MCF2L2: variants seen among roughly 807,000 people sequenced by gnomAD.
The protein encoded by MCF2L2 is MCF.2 cell line derived transforming sequence-like 2, also known as probable guanine nucleotide exchange factor MCF2L2.
Under a neutral mutation model 150.2 loss-of-function variants are expected in MCF2L2, and 102 were observed. The observed-to-expected ratio is 0.68, with a 90% CI of 0.58 to 0.80. The LOEUF (loss-of-function observed/expected upper bound fraction) is 0.80. Among genes scored for constraint, MCF2L2 ranks in the 30% least tolerant of loss-of-function variants. The pLI is 0.00. For missense variants in MCF2L2, 1,256 were observed against 1,372.8 expected, an observed-to-expected ratio of 0.91 and a Z score of 1.34; for synonymous variants, 465 against 491.3, an observed-to-expected ratio of 0.95 and a Z score of 0.71.
intron 15 of MCF2L2, among the ~76,000 whole-genome samples, chr3:183,255,286 A>ACTT (rs1277880147): frequency 6.6e-6 from 1 of 152,218 alleles, no homozygotes; most frequent in Non-Finnish European, 1.5e-5. Flanking sequence ...GTGATTAGTG[A>ACTT]TCAGCAGCAG....
At chr3:183,377,395 T>C (rs1172239260) in intron 3 of MCF2L2, 1 of 152,188 alleles carries the variant, frequency 6.6e-6, no homozygotes, top group Non-Finnish European at 1.5e-5. Context: ...TGGCGCATAG[T>C]ACAGAATAGC....
intron 21 of MCF2L2, among the ~76,000 whole-genome samples, chr3:183,219,171 CAT>C (rs1723052326): frequency 6.6e-6 from 1 of 152,108 alleles, no homozygotes; most frequent in African/African-American, 2.4e-5. Flanking sequence ...CAAGGCATAA[CAT>C]ATAGAAATTA....
chr3:183,292,591 GCACA>G, intron 13 of MCF2L2, among the ~76,000 whole-genome samples: 1 of 141,620 alleles, frequency 7.1e-6, no homozygotes, highest in South Asian at 2.2e-4. Flanking sequence ...ACACACACAT[GCACA>G]CACACACGTA....
intron 1 of MCF2L2, among the ~76,000 whole-genome samples, chr3:183,418,988 T>C (rs1376177731): frequency 6.6e-6 from 1 of 152,244 alleles, no homozygotes; most frequent in African/African-American, 2.4e-5. Flanking sequence ...AGATTCTCCA[T>C]GAGGGCTCTG....
intron 6 of MCF2L2, among the ~76,000 whole-genome samples, chr3:183,322,398 T>C (rs1052522071): frequency 1.3e-5 from 2 of 152,188 alleles, no homozygotes; most frequent in Non-Finnish European, 2.9e-5. Context: ...GTCTTGAGCA[T>C]TGTAAGGTGT....
intron 15 of MCF2L2, chr3:183,273,472 G>C (rs992379960): frequency 6.5e-6 from 1 of 153,064 alleles, no homozygotes; most frequent in Admixed American, 6.5e-5. Flanking sequence ...TCTTAGCCCT[G>C]TTCCTATAGG....
rs201215020 is a variant in MCF2L2 at position 183,302,893 on chromosome 3, ATG to A, written c.1114-2699_1114-2698del. Among the ~76,000 whole-genome samples the A allele has an allele frequency of 6.3e-3, 961 of 152,234 alleles. 12 individuals carry two copies. The highest frequency in any genetic ancestry group is 0.022 in the African/African-American group (916 of 41,542). ...AAAACTATTTTCTTTATTTACTTTA[ATG>A]TAGAATTCCTCCCTCCTGGCTGGGC... On this transcript the variant is annotated intron_variant, in intron 10 of 29. Coordinates refer to ENST00000328913, the MANE Select transcript of MCF2L2 (RefSeq NM_015078.4).
chr3:183,388,733 G>A (rs1713970530), intron 2 of MCF2L2, among the ~76,000 whole-genome samples: 1 of 152,182 alleles, frequency 6.6e-6, no homozygotes, highest in Non-Finnish European at 1.5e-5. Context: ...GTAAGATGTG[G>A]TCACCCAGGA....
At chr3:183,423,046 A>G (rs867277090) in intron 1 of MCF2L2, among the ~76,000 whole-genome samples, 2 of 152,168 alleles carry the variant, frequency 1.3e-5, no homozygotes, top group African/African-American at 2.4e-5. Flanking sequence ...TTAGGGTTCA[A>G]ACATTTTTAG....
intron 1 of MCF2L2, among the ~76,000 whole-genome samples, chr3:183,393,572 C>G (rs1714283430): frequency 6.6e-6 from 1 of 152,138 alleles, no homozygotes; most frequent in Admixed American, 6.5e-5. Context: ...CCTGGGCAAA[C>G]AAATATACTA....
chr3:183,327,468 G>T (rs1577066111), intron 5 of MCF2L2, among the ~76,000 whole-genome samples: 1 of 152,182 alleles, frequency 6.6e-6, no homozygotes, highest in Non-Finnish European at 1.5e-5. Context: ...TGGCACACAG[G>T]CCATTGCAAC....
chr3:183,216,701 T>C (rs1346299195), intron 21 of MCF2L2, among the ~76,000 whole-genome samples: 1 of 147,080 alleles, frequency 6.8e-6, no homozygotes, highest in African/African-American at 2.5e-5. Context: ...GCCTCCTGGA[T>C]TCAAGCAATT....
intron 14 of MCF2L2, among the ~76,000 whole-genome samples, chr3:183,281,977 T>G (rs1165795533): frequency 6.7e-6 from 1 of 150,302 alleles, no homozygotes; most frequent in African/African-American, 2.4e-5. Context: ...TTCCTGAAGC[T>G]TGCAGCCTCG....
chr3:183,248,934 A>T (rs1043325673), intron 15 of MCF2L2, among the ~76,000 whole-genome samples: 2 of 152,228 alleles, frequency 1.3e-5, no homozygotes, highest in African/African-American at 4.8e-5. Context: ...AACACAAATG[A>T]TCGCCTCTGG....
At position 183,269,934 on chromosome 3, in the gene MCF2L2, T is replaced by C. The variant is rs928926820; in HGVS notation, c.1862+6938A>G. ...TCACATTGTGAGCCATATGAAGTCA[T>C]ATTCTTACAGATACCTCATAAATAG... On this transcript the variant is annotated intron_variant, in intron 15 of 29. Transcript: ENST00000328913. 4 of 1,614,072 alleles carry C rather than the reference T, an allele frequency of 2.5e-6. No homozygotes were observed. In the Admixed American group the frequency reaches 6.7e-5, roughly 27 times the overall value.
chr3:183,186,492 G>A (rs747020562), intron 27 of MCF2L2, among the ~76,000 whole-genome samples: 7 of 152,164 alleles, frequency 4.6e-5, no homozygotes, highest in East Asian at 1.9e-4. Context: ...TTGGGAGGCC[G>A]AGGCAAGCGG....
intron 20 of MCF2L2, among the ~76,000 whole-genome samples, chr3:183,220,127 T>A (rs1033524352): frequency 2.6e-5 from 4 of 152,256 alleles, no homozygotes; most frequent in African/African-American, 9.6e-5. Context: ...TTGTACACAC[T>A]ATTTTGTAGA....
intron 15 of MCF2L2, among the ~76,000 whole-genome samples, chr3:183,260,138 T>C (rs956577388): frequency 3.3e-5 from 5 of 151,902 alleles, no homozygotes; most frequent in African/African-American, 1.2e-4. Flanking sequence ...CCACAGGGTC[T>C]GGAATTTGTT....
In MCF2L2 at chr3:183,252,228, C is replaced by T. The variant is rs888362918; in HGVS notation, c.1863-21211G>A. ...GCTGGGGGAAATGCATGTGGGATTT[C>T]AGTCAGCATTTTATTAGAGAAGGTA... is the stretch of plus-strand genomic sequence containing the variant. On this transcript the variant is annotated intron_variant, in intron 15 of 29. Coordinates refer to ENST00000328913, the MANE Select transcript of MCF2L2 (RefSeq NM_015078.4). Among the ~76,000 whole-genome samples, 6 of 152,142 alleles carry T rather than the reference C, an allele frequency of 3.9e-5. No homozygotes were observed. The South Asian group carries it at 1.0e-3, about 26-fold the overall frequency.
Sources: gnomAD v4.1 joint callset for allele counts (sites outside exome capture counted in the v4.1 genomes callset) on GRCh38, gnomAD v4.1.1 for gene constraint, MANE v1.5 for transcripts, NCBI Gene and HGNC (gene_info 2026-07-23, HGNC 2026-07-21) for gene names.